IQCH: variants seen among roughly 807,000 people sequenced by gnomAD.
The protein encoded by IQCH is IQ domain-containing protein H.
A neutral mutation model predicts 117.0 loss-of-function variants in IQCH; 98 were observed. That is an observed-to-expected ratio of 0.84 (90% confidence interval 0.71 to 0.99). The LOEUF (loss-of-function observed/expected upper bound fraction) is 0.99. IQCH is among the 50% of genes least tolerant of loss of function. The probability of loss-of-function intolerance (pLI) is 0.00; values close to 1 mark genes in which losing one functional copy is unlikely to be tolerated. For synonymous variants in IQCH, 412 were observed against 448.2 expected (o/e 0.92, Z 1.02); for missense variants, 1,102 against 1,243.8 (o/e 0.89, Z 1.72).
rs2083133534 is a variant in IQCH, at chr15:67,473,878, TG to T, written c.2677-1817del. 6.9e-6 allele frequency among the ~76,000 whole-genome samples: 1 copy of T among 145,886 alleles called. No individual in the cohort carries two copies. Among genetic ancestry groups the T allele is most frequent in the Non-Finnish European group, 1.5e-5 (1 of 67,910 alleles). ...TACAAGTGGGGTAAACAACTCAAGA[TG>T]TATTAGCCTGTGGGGGCCTAACTCG... On this transcript the variant is annotated intron_variant, in intron 17 of 20. Coordinates refer to ENST00000335894, the MANE Select transcript of IQCH (RefSeq NM_001031715.3). This position sits in a 1 kb window ranked among gnomAD's most constrained non-coding sequence, Gnocchi z 4.9.
chr15:67,500,594 A>G lies in IQCH; in HGVS notation c.2971-39A>G. 9.6e-7 allele frequency: 1 copy of G among 1,039,494 alleles called. No homozygotes were observed. The highest frequency in any genetic ancestry group is 1.5e-6 in the Non-Finnish European group (1 of 681,168). 64.4% of individuals were successfully genotyped at this position (1,039,494 alleles called of 1,614,324 possible). On this transcript the variant is annotated intron_variant, in intron 20 of 20. Coordinates refer to ENST00000335894, the MANE Select transcript of IQCH (RefSeq NM_001031715.3). The surrounding 1 kb of genome is among the most constrained non-coding windows in gnomAD (Gnocchi z 4.4). ...CAGATGCTTGGGGGAGAGGGATTGT[A>G]AGAGGTCTTTAAGTAATAAATATTG...
At chr15:67,452,697 T>G (rs1428707217) in intron 16 of IQCH, among the ~76,000 whole-genome samples, 1 of 152,256 alleles carries the variant, frequency 6.6e-6, no homozygotes, top group Non-Finnish European at 1.5e-5. Flanking sequence ...CTGACAATTA[T>G]GTGTCTTGGA....
rs534703046 is a variant in IQCH at position 67,484,873 on chromosome 15, A to G, written c.2800-5130A>G. On this transcript the variant is annotated intron_variant, in intron 18 of 20. Coordinates refer to ENST00000335894, the MANE Select transcript of IQCH (RefSeq NM_001031715.3). ...GAAGATATTATCTAGAGCTGCTACA[A>G]TTTTCCATCTTTAATGACCATCATC... Among the ~76,000 whole-genome samples, 18 of 152,282 alleles carry G rather than the reference A, an allele frequency of 1.2e-4. No homozygotes were observed. The Middle Eastern group carries it at 0.024, about 201-fold the overall frequency.
chr15:67,284,108 GCT>G (rs1291659619), intron 4 of IQCH, among the ~76,000 whole-genome samples: 1 of 151,892 alleles, frequency 6.6e-6, no homozygotes, highest in Non-Finnish European at 1.5e-5. Context: ...GACTATAGTT[GCT>G]CTGTTTTACT....
At chr15:67,278,483 C>T (rs1966219316) in intron 3 of IQCH, among the ~76,000 whole-genome samples, 1 of 152,348 alleles carries the variant, frequency 6.6e-6, no homozygotes, top group African/African-American at 2.4e-5. Flanking sequence ...GACTTCTGCT[C>T]TCAGGCTTCT....
rs1211089238 is a variant in IQCH at position 67,393,867 on chromosome 15, G to A, written c.1633-1424G>A. Among the ~76,000 whole-genome samples, 1 of 151,996 alleles carries A rather than the reference G, an allele frequency of 6.6e-6. No homozygotes were observed. The highest frequency in any genetic ancestry group is 1.5e-5 in the Non-Finnish European group (1 of 67,990). On this transcript the variant is annotated intron_variant, in intron 12 of 20. Coordinates refer to ENST00000335894, the MANE Select transcript of IQCH (RefSeq NM_001031715.3). This position sits in a 1 kb window ranked among gnomAD's most constrained non-coding sequence, Gnocchi z 5.5. ...TCTGTAATAATAACTATTACCATTTGTTGAGTATCAATGCTGTGTATTATA... is the reference window on the plus strand; with the variant it reads ...TCTGTAATAATAACTATTACCATTTATTGAGTATCAATGCTGTGTATTATA...
At chr15:67,470,129 C>T (rs1053659570) in intron 17 of IQCH, among the ~76,000 whole-genome samples, 1 of 152,220 alleles carries the variant, frequency 6.6e-6, no homozygotes. Flanking sequence ...CACAGAAGCA[C>T]TAAATGGACC....
chr15:67,376,619 G>A lies in IQCH; in HGVS notation c.1372+3186G>A, dbSNP rs1596283323. ...AATGAAAGCTAAGTAGTTGATAACT[G>A]CATAATATATTGTAGTTGTAAGCAT... On this transcript the variant is annotated intron_variant, in intron 10 of 20. Transcript: ENST00000335894. This position sits in a 1 kb window ranked among gnomAD's most constrained non-coding sequence, Gnocchi z 5.0. Among the ~76,000 whole-genome samples the A allele has an allele frequency of 6.6e-6, 1 of 152,306 alleles. No homozygotes were observed. Among genetic ancestry groups the A allele is most frequent in the Non-Finnish European group, 1.5e-5 (1 of 68,032 alleles).
At chr15:67,398,350 A>G (rs1971534732) in intron 13 of IQCH, among the ~76,000 whole-genome samples, 1 of 152,188 alleles carries the variant, frequency 6.6e-6, no homozygotes, top group African/African-American at 2.4e-5. Context: ...CACATTAGAG[A>G]AATAAGGAAA....
At chr15:67,301,958 A>G (rs1967066414) in intron 4 of IQCH, among the ~76,000 whole-genome samples, 4 of 152,162 alleles carry the variant, frequency 2.6e-5, no homozygotes, top group Admixed American at 2.0e-4. Context: ...ATTTCTTTTC[A>G]GAAATAACTA....
chr15:67,454,229 C>A lies in IQCH; in HGVS notation c.2506-10898C>A, dbSNP rs1170080571. Among the ~76,000 whole-genome samples, 3 of 152,144 alleles carry A rather than the reference C, an allele frequency of 2.0e-5. No homozygotes were observed. Among genetic ancestry groups the A allele is most frequent in the Non-Finnish European group, 2.9e-5 (2 of 68,022 alleles). Reference sequence around the variant, plus strand: ...TTGGCTCATGCATGGTGTGCTGCACCCACCATCCTGCGCCTACTGTCTGGC... The same window carrying A: ...TTGGCTCATGCATGGTGTGCTGCACACACCATCCTGCGCCTACTGTCTGGC... On this transcript the variant is annotated intron_variant, in intron 16 of 20. Transcript: ENST00000335894. This position sits in a 1 kb window ranked among gnomAD's most constrained non-coding sequence, Gnocchi z 5.2.
At chr15:67,271,109 C>G (rs569212245) in intron 3 of IQCH, among the ~76,000 whole-genome samples, 1 of 152,148 alleles carries the variant, frequency 6.6e-6, no homozygotes, top group Admixed American at 6.5e-5. Flanking sequence ...GCTGGGACTA[C>G]AGGCACACAC....
chr15:67,335,838 GTGTT>G (rs2140654479), intron 4 of IQCH, among the ~76,000 whole-genome samples: 1 of 152,236 alleles, frequency 6.6e-6, no homozygotes, highest in Non-Finnish European at 1.5e-5. Flanking sequence ...CATCATCAAA[GTGTT>G]TGATGTTCAT....
At chr15:67,284,166 T>G (rs1219249405) in intron 4 of IQCH, among the ~76,000 whole-genome samples, 1 of 152,132 alleles carries the variant, frequency 6.6e-6, no homozygotes, top group Non-Finnish European at 1.5e-5. Flanking sequence ...TTGTACCCAT[T>G]AACCATCCCC....
In IQCH at chr15:67,369,777, A is replaced by G. The variant is rs1970461096; in HGVS notation, c.754-2334A>G. ...CTGCTCAATGGATCTCACAATGCTG[A>G]TGCACTGCTTTAATTTGGGAAGCCT... On this transcript the variant is annotated intron_variant, in intron 8 of 20. Transcript: ENST00000335894. The surrounding 1 kb of genome is among the most constrained non-coding windows in gnomAD (Gnocchi z 5.2). 6.6e-6 allele frequency among the ~76,000 whole-genome samples: 1 copy of G among 152,178 alleles called. No homozygotes were observed. Among genetic ancestry groups the G allele is most frequent in the Admixed American group, 6.5e-5 (1 of 15,274 alleles).
At position 67,465,139 on chromosome 15, in the gene IQCH, G is replaced by A. The variant is rs183634788; in HGVS notation, c.2518G>A (p.Gly840Ser). ...STLEQQVWATGLNLAYSDQLA... is the reference protein window; with the variant it reads ...STLEQQVWATSLNLAYSDQLA... ...CTGTTTTAATCAGGTGTGGGCAACC[G>A]GCCTTAACCTCGCATATAGTGACCA... is the stretch of plus-strand genomic sequence containing the variant. The change falls in exon 17 of 21, where the codon GGC becomes AGC. Residue 840 changes from glycine (G) to serine (S), a missense_variant. By Grantham distance (56) the Gly-to-Ser change is moderately conservative. Around this residue, in one of 2 missense-constraint regions of IQCH, gnomAD observed 650 missense variants for 794.3 expected, o/e 0.82. Transcript: ENST00000335894. This position sits in a 1 kb window ranked among gnomAD's most constrained non-coding sequence, Gnocchi z 5.9. 34 of 1,613,792 alleles carry A rather than the reference G, an allele frequency of 2.1e-5. No individual in the cohort carries two copies. The highest frequency in any genetic ancestry group is 2.7e-5 in the Non-Finnish European group (32 of 1,179,984).
chr15:67,489,519 G>GGGTGAGGTCAGGAGGTCAAGATCTT (rs11276406), intron 18 of IQCH, among the ~76,000 whole-genome samples: 1 of 150,964 alleles, frequency 6.6e-6, no homozygotes, highest in Non-Finnish European at 1.5e-5. Flanking sequence ...CTGGCCTCCT[G>GGGTGAGGTCAGGAGGTCAAGATCTT]GGCTCACTGC....
At chr15:67,329,890 T>C (rs1968588016) in intron 4 of IQCH, among the ~76,000 whole-genome samples, 2 of 151,916 alleles carry the variant, frequency 1.3e-5, no homozygotes, top group Admixed American at 1.3e-4. Flanking sequence ...GTGTGTGTCC[T>C]GTATTATTTA....
At chr15:67,396,569 A>G (rs1971478112) in intron 13 of IQCH, among the ~76,000 whole-genome samples, 1 of 152,168 alleles carries the variant, frequency 6.6e-6, no homozygotes, top group Admixed American at 6.5e-5. Context: ...TGTTTTCATA[A>G]TAGAGAAAAT....
Sources: gnomAD v4.1 joint callset for allele counts (sites outside exome capture counted in the v4.1 genomes callset) on GRCh38, gnomAD v4.1.1 for gene constraint, gnomAD v4.1.1 regional missense constraint, Gnocchi (gnomAD v3.1) non-coding constraint, MANE v1.5 for transcripts, NCBI Gene and HGNC (gene_info 2026-07-23, HGNC 2026-07-21) for gene names.